PCMT1: variants seen among roughly 807,000 people sequenced by gnomAD.
The protein encoded by PCMT1 is protein-L-isoaspartate (D-aspartate) O-methyltransferase.
Under a neutral mutation model 29.2 loss-of-function variants are expected in PCMT1, and 9 were observed. The observed-to-expected ratio is 0.31, with a 90% CI of 0.19 to 0.54. The LOEUF (loss-of-function observed/expected upper bound fraction) is 0.54, where lower values mean the gene tolerates loss of function less well. Ranked by LOEUF, PCMT1 falls within the 20% of genes least tolerant of loss-of-function variation. The pLI, the probability that PCMT1 is intolerant of heterozygous loss-of-function variation, is 0.95. For missense variants in PCMT1, 184 were observed against 282.2 expected, an observed-to-expected ratio of 0.65 and a Z score of 2.49; for synonymous variants, 98 against 97.5, an observed-to-expected ratio of 1.00 and a Z score of -0.03.
chr6:149,807,433 G>C (rs1776046536), intron 7 of PCMT1, among the ~76,000 whole-genome samples: 1 of 152,092 alleles, frequency 6.6e-6, no homozygotes, highest in Non-Finnish European at 1.5e-5. Context: ...GTGCAGTGAT[G>C]CGATCTTGGC....
At chr6:149,796,307 A>G (rs1788609523) in intron 5 of PCMT1, 108 bp from the exon 6 acceptor site, 1 of 603,880 alleles carries the variant, frequency 1.7e-6, no homozygotes, top group African/African-American at 1.9e-5. Flanking sequence ...TCCCAGGATC[A>G]TTTATTGAAA....
intron 2 of PCMT1, 131 bp downstream of exon 2, chr6:149,771,397 G>GT: frequency 1.9e-6 from 1 of 515,844 alleles, no homozygotes; most frequent in Non-Finnish European, 3.4e-6. Context: ...GACTCAGCAA[G>GT]TTTCATAATC....
chr6:149,784,083 A>G (rs1245191484), intron 3 of PCMT1, among the ~76,000 whole-genome samples: 2 of 152,290 alleles, frequency 1.3e-5, no homozygotes, highest in East Asian at 3.9e-4. Context: ...AGATTGGCAA[A>G]TGTAATGCAT....
chr6:149,795,267 C>T (rs895166993), intron 5 of PCMT1: 19 of 405,852 alleles, frequency 4.7e-5, no homozygotes, highest in Admixed American at 1.0e-4. Context: ...ATCACAGTTC[C>T]TCTCGTCCAA....
At chr6:149,808,437 G>A (rs1413592699) in intron 7 of PCMT1, among the ~76,000 whole-genome samples, 1 of 151,974 alleles carries the variant, frequency 6.6e-6, no homozygotes, top group Non-Finnish European at 1.5e-5. Flanking sequence ...TTGTGCACGC[G>A]CTGGCAGCAA....
intron 1 of PCMT1, among the ~76,000 whole-genome samples, chr6:149,756,750 C>G (rs1332344842): frequency 6.6e-6 from 1 of 151,724 alleles, no homozygotes; most frequent in East Asian, 1.9e-4. Context: ...ATTGGAGCCT[C>G]AAAGTCCAGA....
chr6:149,765,334 TG>T, intron 1 of PCMT1, among the ~76,000 whole-genome samples: 1 of 119,802 alleles, frequency 8.3e-6, no homozygotes, highest in East Asian at 2.5e-4. Flanking sequence ...CACTCCAGCC[TG>T]GGAGACAGAG....
In PCMT1 at chr6:149,762,832, G is replaced by GAT. The variant is rs1305798002; in HGVS notation, c.56-8321_56-8320dup. Among the ~76,000 whole-genome samples, 3 of 46,322 alleles carry GAT rather than the reference G, an allele frequency of 6.5e-5. 1 individual carries two copies. Among genetic ancestry groups the GAT allele is most frequent in the Non-Finnish European group, 8.8e-5 (3 of 34,062 alleles). The allele number at this position is 46,322 out of a possible 152,430, so 30.4% of individuals were successfully genotyped here. On this transcript the variant is annotated intron_variant, in intron 1 of 7. Coordinates refer to ENST00000464889, the MANE Select transcript of PCMT1 (RefSeq NM_001360452.2). ...ATCTATGATAATCTATGATATATATGATATATATATCTATGATATATATCT... is the reference window on the plus strand; with the variant it reads ...ATCTATGATAATCTATGATATATATGATATATATATATCTATGATATATATCT...
At chr6:149,794,866 A>G in intron 5 of PCMT1, 1 of 487,064 alleles carries the variant, frequency 2.1e-6, no homozygotes, top group Non-Finnish European at 4.2e-6. Flanking sequence ...CATCTCATGA[A>G]AGAACAGAGT....
chr6:149,789,532 T>C (rs1331761577), intron 3 of PCMT1, among the ~76,000 whole-genome samples: 1 of 152,162 alleles, frequency 6.6e-6, no homozygotes, highest in Admixed American at 6.5e-5. Flanking sequence ...CTATTAAAAA[T>C]ACAAAATTAG....
chr6:149,760,865 CA>C (rs1295023726), intron 1 of PCMT1, among the ~76,000 whole-genome samples: 1 of 151,904 alleles, frequency 6.6e-6, no homozygotes, highest in African/African-American at 2.4e-5. Context: ...ACAAACAAAA[CA>C]AAAAGAGCAT....
At chr6:149,763,112 GATATGT>G in intron 1 of PCMT1, among the ~76,000 whole-genome samples, 1 of 63,196 alleles carries the variant, frequency 1.6e-5, no homozygotes, top group South Asian at 4.6e-4. Context: ...ATATATCTAT[GATATGT>G]ATATCTATGA....
rs1221377501 is a variant in PCMT1 at position 149,787,289 on chromosome 6, T to TGGGGAGAGGGAGACCGTGGGG, written c.193-2665_193-2664insGGGGAGAGGGAGACCGTGGGG. On this transcript the variant is annotated intron_variant, in intron 3 of 7. Transcript: ENST00000464889. ...CGTGGAAAGAGAGGGAGACCGTGGGTAGAGGGAGACCGTGGGGAGAGGGAG... is the reference window on the plus strand; with the variant it reads ...CGTGGAAAGAGAGGGAGACCGTGGGTGGGGAGAGGGAGACCGTGGGGAGAGGGAGACCGTGGGGAGAGGGAG... 2.1e-4 allele frequency among the ~76,000 whole-genome samples: 29 copies of TGGGGAGAGGGAGACCGTGGGG among 140,770 alleles called. 1 individual carries two copies. Among genetic ancestry groups the TGGGGAGAGGGAGACCGTGGGG allele is most frequent in the East Asian group, 1.3e-3 (6 of 4,470 alleles). The allele number at this position is 140,770 out of a possible 152,430, so 92.4% of individuals were successfully genotyped here. A position where few individuals can be genotyped will look rare whatever the true frequency, so the allele number is the denominator to read the frequency against.
intron 6 of PCMT1, 31 bp from the exon 7 acceptor site, chr6:149,802,169 T>C: frequency 3.7e-6 from 5 of 1,356,800 alleles, no homozygotes; most frequent in Non-Finnish European, 5.0e-6. Flanking sequence ...TGTAACTTGG[T>C]GATGTATGTG....
intron 1 of PCMT1, among the ~76,000 whole-genome samples, chr6:149,762,145 GC>G (rs1476236961): frequency 6.6e-6 from 1 of 151,320 alleles, no homozygotes; most frequent in Non-Finnish European, 1.5e-5. Context: ...TTTCACCCAC[GC>G]TTCAAGTTGG....
At chr6:149,778,519 G>GCGT in intron 3 of PCMT1, among the ~76,000 whole-genome samples, 1 of 151,858 alleles carries the variant, frequency 6.6e-6, no homozygotes, top group Non-Finnish European at 1.5e-5. Flanking sequence ...CTGAGCCACT[G>GCGT]CGTCTAGCCC....
chr6:149,801,737 C>T (rs549382604), intron 6 of PCMT1, among the ~76,000 whole-genome samples: 10 of 152,226 alleles, frequency 6.6e-5, no homozygotes, highest in East Asian at 3.9e-4. Flanking sequence ...CGTGAGCCAC[C>T]GTGTCTGGCC....
intron 5 of PCMT1, chr6:149,794,788 T>A: frequency 6.2e-6 from 3 of 480,968 alleles, no homozygotes; most frequent in South Asian, 4.6e-5. Flanking sequence ...AAAATGAGTC[T>A]CATGTTGCCA....
intron 3 of PCMT1, among the ~76,000 whole-genome samples, chr6:149,788,760 C>T (rs576681845): frequency 6.6e-6 from 1 of 152,226 alleles, no homozygotes; most frequent in South Asian, 2.1e-4. Flanking sequence ...TTATCTGGGG[C>T]AAACCCTTTG....
Sources: allele counts gnomAD v4.1 joint callset (sites outside exome capture counted in the v4.1 genomes callset), GRCh38; gene constraint gnomAD v4.1.1; transcripts MANE v1.5; gene names NCBI Gene and HGNC (gene_info 2026-07-23, HGNC 2026-07-21).